The following TMEM230 variants were observed in gnomAD, a reference collection of about 807,000 sequenced individuals.
TMEM230 encodes the protein transmembrane protein 230.
A neutral mutation model predicts 15.8 loss-of-function variants in TMEM230; 10 were observed. That is an observed-to-expected ratio of 0.63 (90% CI 0.39 to 1.07). The LOEUF is 1.07. Ranked by LOEUF, TMEM230 falls within the 50% of genes least tolerant of loss-of-function variation. The pLI is 0.01. For missense variants in TMEM230, 165 were observed against 193.3 expected (o/e 0.85, Z 0.87); for synonymous variants, 67 against 76.9 (o/e 0.87, Z 0.68).
At chr20:5,084,276 T>C (rs1041877171) in intron 3 of TMEM230, among the ~76,000 whole-genome samples, 1 of 150,590 alleles carries the variant, frequency 6.6e-6, no homozygotes, top group African/African-American at 2.5e-5. Flanking sequence ...CAGGCTGGAG[T>C]GTAGTGGCAC....
intron 4 of TMEM230, among the ~76,000 whole-genome samples, chr20:5,103,058 A>G (rs1244625265): frequency 6.6e-6 from 1 of 152,190 alleles, no homozygotes; most frequent in African/African-American, 2.4e-5. Flanking sequence ...GATGCTAGAA[A>G]AGCATTTGAT....
chr20:5,111,009 C>T (rs1028628063), intron 2 of TMEM230: 1 of 151,994 alleles, frequency 6.6e-6, no homozygotes, highest in African/African-American at 2.4e-5. Flanking sequence ...TGGTGAAACC[C>T]CATTTCTACT....
rs192215097 is a variant in TMEM230, at chr20:5,100,035, C to A, written c.*756G>T. ...GACATACTACAAGGTGCTAGCAATA[C>A]GGCTATAAACTCTAAATAATAACCA... On this transcript the variant is annotated 3_prime_UTR_variant, in exon 5 of 5. Coordinates refer to ENST00000342308, the MANE Select transcript of TMEM230 (RefSeq NM_001009923.2). 3 of 985,170 alleles carry A rather than the reference C, an allele frequency of 3.0e-6. No homozygotes were observed. Among genetic ancestry groups the A allele is most frequent in the Non-Finnish European group, 3.6e-6 (3 of 829,908 alleles). 61.0% of individuals were successfully genotyped at this position (985,170 alleles called of 1,614,324 possible).
chr20:5,099,806 C>T (rs898724163), downstream of TMEM230: 123 of 934,668 alleles, frequency 1.3e-4, no homozygotes, highest in Non-Finnish European at 1.5e-4. Context: ...GATCTAGGTA[C>T]TGGGATTAAA....
chr20:5,063,065 G>C, the TMEM230 span, among the ~76,000 whole-genome samples: 1 of 151,988 alleles, frequency 6.6e-6, no homozygotes, highest in Non-Finnish European at 1.5e-5. Flanking sequence ...TGGACTCCAG[G>C]ACAGTGAAGC....
intron 4 of TMEM230, among the ~76,000 whole-genome samples, chr20:5,103,622 TTC>T (rs1289535906): frequency 2.2e-4 from 32 of 146,404 alleles, no homozygotes; most frequent in East Asian, 3.9e-4. Flanking sequence ...CACAGTGAGA[TTC>T]TGTCTCAAAA....
At chr20:5,088,340 C>CA (rs2089414163) in intron 3 of TMEM230, among the ~76,000 whole-genome samples, 1 of 146,106 alleles carries the variant, frequency 6.8e-6, no homozygotes, top group African/African-American at 2.5e-5. Context: ...GTTTCAAACA[C>CA]AATTAATTCA....
intron 1 of TMEM230, 151 bp downstream of exon 1, chr20:5,112,810 C>T (rs2090380142): frequency 4.6e-6 from 7 of 1,510,296 alleles, no homozygotes; most frequent in African/African-American, 1.4e-5. Context: ...ACAAACAAAA[C>T]GGGCTTCTGG....
intron 4 of TMEM230, among the ~76,000 whole-genome samples, chr20:5,104,284 T>C (rs1022830684): frequency 3.9e-5 from 6 of 152,198 alleles, no homozygotes; most frequent in African/African-American, 1.4e-4. Context: ...GGTCTCGAAC[T>C]CCTGGGCTCA....
At chr20:5,105,295 T>C (rs1191432727) in intron 4 of TMEM230, among the ~76,000 whole-genome samples, 2 of 149,308 alleles carry the variant, frequency 1.3e-5, no homozygotes, top group Non-Finnish European at 3.0e-5. Context: ...CCAAAATATA[T>C]ATATATGTAT....
chr20:5,110,056 T>G (rs1015462397), intron 2 of TMEM230, among the ~76,000 whole-genome samples: 2 of 152,134 alleles, frequency 1.3e-5, no homozygotes, highest in African/African-American at 4.8e-5. Context: ...TTGTTGTTGT[T>G]GTTTGTTTGT....
chr20:5,075,669 G>A (rs867433274), intron 3 of TMEM230, among the ~76,000 whole-genome samples: 5 of 152,162 alleles, frequency 3.3e-5, no homozygotes, highest in African/African-American at 1.2e-4. Flanking sequence ...AAGTTGCAGT[G>A]AGCTGAGATC....
chr20:5,070,707 T>C (rs552791121), intron 3 of TMEM230, among the ~76,000 whole-genome samples: 2 of 152,194 alleles, frequency 1.3e-5, no homozygotes, highest in Admixed American at 1.3e-4. Flanking sequence ...TAACAAATAT[T>C]TGCATAAAAG....
intron 3 of TMEM230, among the ~76,000 whole-genome samples, chr20:5,092,519 A>G (rs548502170): frequency 9.9e-5 from 15 of 152,134 alleles, no homozygotes; most frequent in Admixed American, 2.0e-4. Flanking sequence ...GGAGTTCATG[A>G]CCAGCCTGAC....
intron 3 of TMEM230, among the ~76,000 whole-genome samples, chr20:5,086,408 G>A (rs1158555466): frequency 4.6e-5 from 7 of 151,462 alleles, no homozygotes; most frequent in African/African-American, 7.3e-5. Flanking sequence ...GCGTGGTGGC[G>A]TGCGCCTGTA....
At chr20:5,066,837 A>T (rs545642661), downstream of TMEM230, among the ~76,000 whole-genome samples, 9 of 152,144 alleles carry the variant, frequency 5.9e-5, no homozygotes, top group South Asian at 1.9e-3. Context: ...GAGGGTGTTC[A>T]TCCCCTCACT....
At chr20:5,111,864 T>C in intron 1 of TMEM230, 1 of 854,922 alleles carries the variant, frequency 1.2e-6, no homozygotes, top group Non-Finnish European at 1.4e-6. Flanking sequence ...TTCTTTTTTT[T>C]GAGACGGAGT....
chr20:5,112,642 C>G lies in TMEM230; in HGVS notation c.68+319G>C, dbSNP rs993334816. The G allele has an allele frequency of 3.1e-6, 4 of 1,295,056 alleles. No individual in the cohort carries two copies. The East Asian group carries it at 1.4e-4, about 45-fold the overall frequency. The allele number at this position is 1,295,056 out of a possible 1,614,324, so 80.2% of individuals were successfully genotyped here. On this transcript the variant is annotated intron_variant, in intron 1 of 4. Coordinates refer to ENST00000342308, the MANE Select transcript of TMEM230 (RefSeq NM_001009923.2). ...TTACCAGCTCACCGCTACCCCCAAACTCCCTCAGCACCTGAATGTTACGAG... is the reference window on the plus strand; with the variant it reads ...TTACCAGCTCACCGCTACCCCCAAAGTCCCTCAGCACCTGAATGTTACGAG...
intron 3 of TMEM230, among the ~76,000 whole-genome samples, chr20:5,088,904 A>C (rs1157980688): frequency 1.3e-5 from 2 of 152,222 alleles, no homozygotes; most frequent in African/African-American, 4.8e-5. Context: ...CATCAAGTTC[A>C]TCTGAGTGTG....
Sources: allele counts gnomAD v4.1 joint callset (sites outside exome capture counted in the v4.1 genomes callset), GRCh38; gene constraint gnomAD v4.1.1; transcripts MANE v1.5; gene names NCBI Gene and HGNC (gene_info 2026-07-23, HGNC 2026-07-21).